Variants in KCNJ3 observed in about 807,000 individuals in gnomAD.
KCNJ3 encodes the protein potassium inwardly rectifying channel subfamily J member 3, also known as G protein-activated inward rectifier potassium channel 1.
In KCNJ3, 4 loss-of-function variants were observed where a neutral mutation model predicts 39.2. The observed-to-expected ratio is 0.10, with a 90% confidence interval of 0.05 to 0.23. KCNJ3 has a LOEUF of 0.23. KCNJ3 is among the 10% of genes least tolerant of loss of function. KCNJ3 has a pLI of 1.00. For missense variants in KCNJ3, 276 were observed against 634.9 expected (o/e 0.43, Z 6.08); for synonymous variants, 230 against 237.4 (o/e 0.97, Z 0.29).
At chr2:154,749,259 C>T (rs1356580138) in intron 2 of KCNJ3, among the ~76,000 whole-genome samples, 81 of 151,888 alleles carry the variant, frequency 5.3e-4, no homozygotes, top group Non-Finnish European at 4.4e-5. Context: ...TACCAAGAGA[C>T]CCCCCTCAAA....
At chr2:154,791,499 C>T (rs1383792606) in intron 2 of KCNJ3, among the ~76,000 whole-genome samples, 1 of 151,952 alleles carries the variant, frequency 6.6e-6, no homozygotes, top group Non-Finnish European at 1.5e-5. Flanking sequence ...TGTCTGAGTT[C>T]ACACAGTTAG....
intron 2 of KCNJ3, among the ~76,000 whole-genome samples, chr2:154,769,578 A>G (rs1412037891): frequency 6.6e-6 from 1 of 152,130 alleles, no homozygotes; most frequent in East Asian, 1.9e-4. Context: ...GTGCTGCTGG[A>G]TTCGGTTTGC....
rs116091396 is a variant in KCNJ3 at position 154,761,456 on chromosome 2, G to A, written c.919+51637G>A. Among the ~76,000 whole-genome samples, 462 of 152,092 alleles carry A rather than the reference G, an allele frequency of 3.0e-3. 1 individual carries two copies. Among genetic ancestry groups the A allele is most frequent in the African/African-American group, 0.011 (443 of 41,478 alleles). On this transcript the variant is annotated intron_variant, in intron 2 of 2. Transcript: ENST00000295101. ...TCATTTGATCTCTTGTGTAATTTTAGGATCAGCTCTATCAAGCTCTAGAAA... is the reference window on the plus strand; with the variant it reads ...TCATTTGATCTCTTGTGTAATTTTAAGATCAGCTCTATCAAGCTCTAGAAA...
chr2:154,767,183 T>A (rs1686148908), intron 2 of KCNJ3, among the ~76,000 whole-genome samples: 1 of 147,556 alleles, frequency 6.8e-6, no homozygotes, highest in Non-Finnish European at 1.5e-5. Flanking sequence ...GTACATTCTT[T>A]ACCTTTTTTT....
At chr2:154,744,879 A>G (rs1166668396) in intron 2 of KCNJ3, among the ~76,000 whole-genome samples, 1 of 151,864 alleles carries the variant, frequency 6.6e-6, no homozygotes, top group Non-Finnish European at 1.5e-5. Context: ...ATAAGTTTCC[A>G]TCTCAGCACT....
chr2:154,771,917 C>T (rs1272438274), intron 2 of KCNJ3, among the ~76,000 whole-genome samples: 1 of 152,112 alleles, frequency 6.6e-6, no homozygotes, highest in Non-Finnish European at 1.5e-5. Flanking sequence ...TGGCTTCATA[C>T]CCACGGTCAC....
intron 2 of KCNJ3, among the ~76,000 whole-genome samples, chr2:154,825,712 G>T (rs1346701507): frequency 1.3e-5 from 2 of 151,648 alleles, no homozygotes; most frequent in South Asian, 2.1e-4. Flanking sequence ...AAATACCGGG[G>T]ACCACAGGCA....
intron 1 of KCNJ3, among the ~76,000 whole-genome samples, chr2:154,707,922 A>G (rs973183717): frequency 6.6e-6 from 1 of 152,122 alleles, no homozygotes; most frequent in African/African-American, 2.4e-5. Flanking sequence ...GGTCTCATTT[A>G]TGTTTTACTA....
chr2:154,782,012 T>A (rs143387501), intron 2 of KCNJ3, among the ~76,000 whole-genome samples: 358 of 152,332 alleles, frequency 2.4e-3, no homozygotes, highest in African/African-American at 8.2e-3. Flanking sequence ...CTTTTAAATC[T>A]GTTTTTGTGA....
intron 2 of KCNJ3, among the ~76,000 whole-genome samples, chr2:154,728,180 G>C (rs753544404): frequency 1.3e-5 from 2 of 151,766 alleles, no homozygotes; most frequent in Admixed American, 6.6e-5. Flanking sequence ...TATTAGTATA[G>C]ATACATACCT....
At chr2:154,765,949 T>C (rs1204448170) in intron 2 of KCNJ3, among the ~76,000 whole-genome samples, 3 of 152,180 alleles carry the variant, frequency 2.0e-5, no homozygotes, top group African/African-American at 7.2e-5. Context: ...AGTCTGATTC[T>C]AAGATTCCAG....
intron 2 of KCNJ3, among the ~76,000 whole-genome samples, chr2:154,848,165 T>C (rs1687692468): frequency 6.6e-6 from 1 of 152,156 alleles, no homozygotes; most frequent in Admixed American, 6.5e-5. Context: ...TATGTTTTGG[T>C]GTAATATGCT....
At chr2:154,793,422 T>C (rs934654528) in intron 2 of KCNJ3, among the ~76,000 whole-genome samples, 3 of 152,026 alleles carry the variant, frequency 2.0e-5, no homozygotes, top group African/African-American at 7.2e-5. Flanking sequence ...CAGGCCTATA[T>C]ACAAACAGAT....
intron 2 of KCNJ3, among the ~76,000 whole-genome samples, chr2:154,829,593 G>C (rs1287729323): frequency 6.6e-6 from 1 of 152,124 alleles, no homozygotes; most frequent in Non-Finnish European, 1.5e-5. Flanking sequence ...ATGAACATAT[G>C]TGTGCATGTG....
chr2:154,791,116 G>A (rs566871647), intron 2 of KCNJ3, among the ~76,000 whole-genome samples: 2 of 152,058 alleles, frequency 1.3e-5, no homozygotes, highest in East Asian at 1.9e-4. Flanking sequence ...ACTGTTGGCC[G>A]GTGAGATTTG....
intron 2 of KCNJ3, among the ~76,000 whole-genome samples, chr2:154,746,714 G>A (rs1226207957): frequency 6.7e-6 from 1 of 149,862 alleles, no homozygotes; most frequent in Non-Finnish European, 1.5e-5. Context: ...AAATTTATTT[G>A]GAAAAAGAAT....
intron 2 of KCNJ3, among the ~76,000 whole-genome samples, chr2:154,835,917 A>G (rs987168720): frequency 1.3e-5 from 2 of 152,326 alleles, no homozygotes; most frequent in Admixed American, 6.5e-5. Flanking sequence ...TGATTTTAAC[A>G]GAATGCTTAT....
At chr2:154,831,985 AAC>A (rs1687371314) in intron 2 of KCNJ3, among the ~76,000 whole-genome samples, 1 of 152,186 alleles carries the variant, frequency 6.6e-6, no homozygotes, top group Admixed American at 6.5e-5. Flanking sequence ...GTGTGCAGAA[AAC>A]ACAGAGATCA....
chr2:154,736,178 C>G (rs12986984), intron 2 of KCNJ3, among the ~76,000 whole-genome samples: 1 of 151,716 alleles, frequency 6.6e-6, no homozygotes, highest in Non-Finnish European at 1.5e-5. Context: ...TACAGTTTTT[C>G]TAAGTTTGTC....
Sources: allele counts gnomAD v4.1 joint callset (sites outside exome capture counted in the v4.1 genomes callset), GRCh38; gene constraint gnomAD v4.1.1; transcripts MANE v1.5; gene names NCBI Gene and HGNC (gene_info 2026-07-23, HGNC 2026-07-21).